The following GPHN variants were observed in gnomAD, a reference collection of about 807,000 sequenced individuals.
GPHN encodes gephyrin.
Under a neutral mutation model 95.5 loss-of-function variants are expected in GPHN, and 17 were observed. That is an observed-to-expected ratio of 0.18 (90% CI 0.12 to 0.27). The LOEUF (loss-of-function observed/expected upper bound fraction) is 0.27. Among genes scored for constraint, GPHN ranks in the 10% least tolerant of loss-of-function variants. The pLI, the probability that GPHN is intolerant of heterozygous loss-of-function variation, is 1.00. For missense variants in GPHN, 660 were observed against 978.1 expected (o/e 0.67, Z 4.34); for synonymous variants, 320 against 322.5 (o/e 0.99, Z 0.08).
intron 3 of GPHN, among the ~76,000 whole-genome samples, chr14:66,789,763 G>T (rs530411021): frequency 5.3e-5 from 8 of 152,138 alleles, no homozygotes; most frequent in Non-Finnish European, 1.2e-4. Flanking sequence ...CTTAGTGAGG[G>T]GTGGGGACAT....
At position 66,557,244 on chromosome 14, in the gene GPHN, GA is replaced by G. The variant is rs1566599150; in HGVS notation, c.64+48654del. On this transcript the variant is annotated intron_variant, in intron 1 of 22. Transcript: ENST00000478722. ...AGATAGATACATAGGTAGGTAGATA[GA>G]TAGATAGATAGATAGATAGATAGAT... is the stretch of plus-strand genomic sequence containing the variant. Among the ~76,000 whole-genome samples, 98 of 136,836 alleles carry G rather than the reference GA, an allele frequency of 7.2e-4. 1 individual carries two copies. Among genetic ancestry groups the G allele is most frequent in the African/African-American group, 1.5e-3 (55 of 36,964 alleles). The allele number at this position is 136,836 out of a possible 152,430, so 89.8% of individuals were successfully genotyped here.
the GPHN span, among the ~76,000 whole-genome samples, chr14:67,281,389 AT>A: frequency 6.6e-5 from 10 of 152,228 alleles, no homozygotes; most frequent in African/African-American, 1.2e-4. Flanking sequence ...AAAAGATTAC[AT>A]TTTTTTAATA....
At chr14:66,674,058 T>C (rs1371829954) in intron 1 of GPHN, among the ~76,000 whole-genome samples, 3 of 152,088 alleles carry the variant, frequency 2.0e-5, no homozygotes, top group Non-Finnish European at 4.4e-5. Flanking sequence ...TCCATATTTA[T>C]ACTACAGTGC....
At chr14:66,712,025 A>G (rs894955700) in intron 2 of GPHN, among the ~76,000 whole-genome samples, 8 of 152,236 alleles carry the variant, frequency 5.3e-5, no homozygotes, top group Admixed American at 4.6e-4. Flanking sequence ...AGTCTTTGCT[A>G]TTGTGAATAG....
chr14:67,370,301 TG>T, the GPHN span, among the ~76,000 whole-genome samples: 1 of 152,338 alleles, frequency 6.6e-6, no homozygotes, highest in African/African-American at 2.4e-5. Flanking sequence ...GGCCAGTTTA[TG>T]GCTAGATTTT....
At chr14:67,183,871 T>C (rs547474372), downstream of GPHN, among the ~76,000 whole-genome samples, 1 of 143,634 alleles carries the variant, frequency 7.0e-6, no homozygotes, top group African/African-American at 2.6e-5. Context: ...CTTTTTTTTT[T>C]TAATAGGGTT....
the GPHN span, among the ~76,000 whole-genome samples, chr14:67,622,821 C>T: frequency 6.6e-6 from 1 of 152,306 alleles, no homozygotes; most frequent in African/African-American, 2.4e-5. Flanking sequence ...TGACAAGAAG[C>T]GGTTTCAGCC....
intron 4 of GPHN, among the ~76,000 whole-genome samples, chr14:66,843,578 C>T (rs1174707164): frequency 6.6e-6 from 1 of 152,162 alleles, no homozygotes; most frequent in Non-Finnish European, 1.5e-5. Context: ...GCTGATTGGC[C>T]TGTGTTGCCT....
the GPHN span, among the ~76,000 whole-genome samples, chr14:67,448,255 C>T: frequency 6.7e-6 from 1 of 149,786 alleles, no homozygotes; most frequent in Non-Finnish European, 1.5e-5. Flanking sequence ...TCTCCTGCCT[C>T]AGCCTCCTGA....
At chr14:66,750,131 C>T (rs1036344629) in intron 2 of GPHN, among the ~76,000 whole-genome samples, 2 of 151,762 alleles carry the variant, frequency 1.3e-5, no homozygotes, top group African/African-American at 4.8e-5. Context: ...AAGGATGTTG[C>T]CTTTGCTGTC....
At chr14:66,934,844 A>G (rs1596425005) in intron 8 of GPHN, among the ~76,000 whole-genome samples, 1 of 152,338 alleles carries the variant, frequency 6.6e-6, no homozygotes, top group East Asian at 1.9e-4. Context: ...ATAAGCTAAT[A>G]GAGATAACTG....
intron 19 of GPHN, among the ~76,000 whole-genome samples, chr14:67,161,968 A>G (rs1163579551): frequency 6.6e-6 from 1 of 152,108 alleles, no homozygotes; most frequent in African/African-American, 2.4e-5. Flanking sequence ...TCCTCCCTTA[A>G]AATCATAACA....
At chr14:66,842,858 T>C (rs1395390919) in intron 4 of GPHN, 1 of 645,300 alleles carries the variant, frequency 1.5e-6, no homozygotes, top group Non-Finnish European at 2.7e-6. Flanking sequence ...GTATCTATGT[T>C]CTAGGGTCAT....
At chr14:67,055,328 T>G (rs2075507600) in intron 10 of GPHN, among the ~76,000 whole-genome samples, 1 of 152,206 alleles carries the variant, frequency 6.6e-6, no homozygotes, top group South Asian at 2.1e-4. Context: ...TCAACATCAC[T>G]GATCATTAGA....
chr14:66,766,541 C>G (rs2058968328), intron 2 of GPHN, among the ~76,000 whole-genome samples: 2 of 151,918 alleles, frequency 1.3e-5, no homozygotes, highest in South Asian at 4.2e-4. Flanking sequence ...TTGAAATACA[C>G]ACAGAAAAAT....
chr14:67,531,347 G>A, the GPHN span, among the ~76,000 whole-genome samples: 1 of 152,134 alleles, frequency 6.6e-6, no homozygotes, highest in African/African-American at 2.4e-5. Flanking sequence ...AAGTGGAAGA[G>A]ACATAACTGA....
intron 4 of GPHN, among the ~76,000 whole-genome samples, chr14:66,873,360 C>G (rs946544034): frequency 1.3e-5 from 2 of 152,220 alleles, no homozygotes; most frequent in African/African-American, 4.8e-5. Context: ...ACCAAGCTAG[C>G]TGCAAGAGTT....
the GPHN span, chr14:67,365,156 T>TG: frequency 1.2e-6 from 1 of 846,944 alleles, no homozygotes; most frequent in Non-Finnish European, 1.7e-6. Flanking sequence ...TAGAAAAGGA[T>TG]GCCAATTAGC....
At chr14:66,851,781 A>C (rs1327713203) in intron 4 of GPHN, among the ~76,000 whole-genome samples, 2 of 152,172 alleles carry the variant, frequency 1.3e-5, no homozygotes, top group African/African-American at 4.8e-5. Context: ...CAAGGGGAAA[A>C]TATAATGAGA....
Sources: allele counts gnomAD v4.1 joint callset (sites outside exome capture counted in the v4.1 genomes callset), GRCh38; gene constraint gnomAD v4.1.1; transcripts MANE v1.5; gene names NCBI Gene and HGNC (gene_info 2026-07-23, HGNC 2026-07-21).